Variants in CPLX4 observed in about 807,000 individuals in gnomAD.
CPLX4 encodes the protein complexin-4.
Under a neutral mutation model 16.1 loss-of-function variants are expected in CPLX4, and 17 were observed. The ratio of observed to expected loss-of-function variants is 1.06; its 90% CI spans 0.72 to 1.59. CPLX4 has a LOEUF of 1.59. Among genes scored for constraint, CPLX4 ranks in the 40% most tolerant of loss-of-function variants. CPLX4 has a pLI of 0.00. For synonymous variants in CPLX4, 55 were observed against 57.8 expected (o/e 0.95, Z 0.22); for missense variants, 193 against 192.9 (o/e 1.00, Z 0.00).
At chr18:59,299,875 G>C (rs2070528172) in intron 2 of CPLX4, among the ~76,000 whole-genome samples, 2 of 152,168 alleles carry the variant, frequency 1.3e-5, no homozygotes, top group South Asian at 4.1e-4. Flanking sequence ...TCAGGGCTCG[G>C]GCCTCGCAAT....
In CPLX4 at chr18:59,318,407, C is replaced by T. The variant is rs1168470589; in HGVS notation, c.56G>A (p.Gly19Asp). The T allele has an allele frequency of 1.2e-6, 2 of 1,613,676 alleles. No homozygotes were observed. The highest frequency in any genetic ancestry group is 2.7e-5 in the African/African-American group (2 of 74,888). The stretch of plus-strand genomic sequence containing the variant: ...TTCTTTATTTTCTTCAGACCCACCA[C>T]CAAATCCTAAATTCTTTACCTGGTT... ...ISNQVKNLGFGGGSEENKEEG... is the reference protein window; with the variant it reads ...ISNQVKNLGFDGGSEENKEEG... Residue 19 changes from glycine to aspartate, a missense_variant, in exon 1 of 3, where the codon GGT (glycine) becomes GAT (aspartate). Coordinates refer to ENST00000299721, the MANE Select transcript of CPLX4 (RefSeq NM_181654.4).
intron 2 of CPLX4, among the ~76,000 whole-genome samples, chr18:59,308,464 C>CTTT (rs56412366): frequency 6.3e-5 from 9 of 143,740 alleles, no homozygotes; most frequent in African/African-American, 2.1e-4. Context: ...AATAGTAAGG[C>CTTT]TTTTTTTTTT....
intron 2 of CPLX4, 40 bp from the exon 3 acceptor site, chr18:59,296,965 A>G: frequency 1.3e-6 from 2 of 1,581,298 alleles, no homozygotes; most frequent in Non-Finnish European, 1.7e-6. Context: ...ATAACTCTAA[A>G]CTACTAACTC....
At chr18:59,300,052 C>G (rs568689438) in intron 2 of CPLX4, among the ~76,000 whole-genome samples, 46 of 152,320 alleles carry the variant, frequency 3.0e-4, no homozygotes, top group African/African-American at 1.1e-3. Flanking sequence ...TACTGAATAG[C>G]CGGGCATGGT....
rs755811478 is a variant in CPLX4 at position 59,318,594 on chromosome 18, A to G, written c.-132T>C. On this transcript the variant is annotated 5_prime_UTR_variant, in exon 1 of 3. Transcript: ENST00000299721. Reference sequence around the variant, plus strand: ...ATTTAAGAGCAAAGGACTTTGCACAACCTCATCTATTCAAGGGCATACTGA... The same window carrying G: ...ATTTAAGAGCAAAGGACTTTGCACAGCCTCATCTATTCAAGGGCATACTGA... The G allele has an allele frequency of 4.1e-5, 59 of 1,422,620 alleles. No individual in the cohort carries two copies. Among genetic ancestry groups the G allele is most frequent in the Non-Finnish European group, 5.2e-5 (57 of 1,087,512 alleles). The allele number at this position is 1,422,620 out of a possible 1,614,324, so 88.1% of individuals were successfully genotyped here.
At chr18:59,309,822 C>CAA (rs369580193) in intron 2 of CPLX4, among the ~76,000 whole-genome samples, 11,405 of 86,656 alleles carry the variant, frequency 0.13, 718 homozygotes, top group East Asian at 0.23. Flanking sequence ...GACTCTGTGT[C>CAA]AAAAAAAAAA....
At chr18:59,313,061 C>T (rs2070628426) in intron 1 of CPLX4, among the ~76,000 whole-genome samples, 1 of 152,166 alleles carries the variant, frequency 6.6e-6, no homozygotes, top group Non-Finnish European at 1.5e-5. Flanking sequence ...TTTCCGTGGA[C>T]TGTTCAGCCA....
In CPLX4 at chr18:59,296,692, C is replaced by T. The variant is rs762431120; in HGVS notation, c.*6G>A. On this transcript the variant is annotated 3_prime_UTR_variant, in exon 3 of 3. Coordinates refer to ENST00000299721, the MANE Select transcript of CPLX4 (RefSeq NM_181654.4). ...GCTGGTTCCCTCCCTCCACCCCTCCCACCCCTCACATCACGGAACACTTCT... is the reference window on the plus strand; with the variant it reads ...GCTGGTTCCCTCCCTCCACCCCTCCTACCCCTCACATCACGGAACACTTCT... 2 of 1,609,510 alleles carry T rather than the reference C, an allele frequency of 1.2e-6. No homozygotes were observed. Among genetic ancestry groups the T allele is most frequent in the Admixed American group, 1.7e-5 (1 of 59,652 alleles).
intron 2 of CPLX4, among the ~76,000 whole-genome samples, chr18:59,297,833 C>T (rs1410683096): frequency 6.6e-6 from 1 of 152,184 alleles, no homozygotes; most frequent in Non-Finnish European, 1.5e-5. Context: ...TCTTTTCCTC[C>T]CTTCCACTAG....
At chr18:59,313,388 T>C (rs2070631143) in intron 1 of CPLX4, among the ~76,000 whole-genome samples, 1 of 152,208 alleles carries the variant, frequency 6.6e-6, no homozygotes, top group Non-Finnish European at 1.5e-5. Flanking sequence ...AGGCAGGGTA[T>C]GTTTCCAGAA....
intron 2 of CPLX4, among the ~76,000 whole-genome samples, chr18:59,307,724 A>G (rs2070586338): frequency 2.0e-5 from 3 of 149,672 alleles, no homozygotes; most frequent in African/African-American, 7.4e-5. Flanking sequence ...ACAAAACCCT[A>G]CACCTCGCAT....
At chr18:59,318,213 G>A (rs1322064883) in intron 1 of CPLX4, 83 bp downstream of exon 1, 10 of 1,463,726 alleles carry the variant, frequency 6.8e-6, no homozygotes, top group Non-Finnish European at 9.0e-6. Flanking sequence ...AAAGCAAAGA[G>A]AAATAAACTG....
chr18:59,310,046 G>A (rs2070606547), intron 2 of CPLX4, among the ~76,000 whole-genome samples: 1 of 152,034 alleles, frequency 6.6e-6, no homozygotes. Context: ...GCAGTGGTAT[G>A]AGATTATTAG....
intron 1 of CPLX4, among the ~76,000 whole-genome samples, chr18:59,315,144 A>T (rs1013371584): frequency 2.0e-5 from 3 of 152,218 alleles, no homozygotes; most frequent in African/African-American, 7.2e-5. Flanking sequence ...AACAATTGAA[A>T]CAAGAGTTCT....
intron 1 of CPLX4, 68 bp downstream of exon 1, chr18:59,318,228 A>G (rs1320560790): frequency 1.3e-6 from 2 of 1,486,608 alleles, no homozygotes; most frequent in Admixed American, 4.5e-5. Flanking sequence ...AAACTGGAGA[A>G]CTGAAGAAGG....
At chr18:59,318,158 C>G in intron 1 of CPLX4, 138 bp downstream of exon 1, 1 of 1,389,024 alleles carries the variant, frequency 7.2e-7, no homozygotes, top group Non-Finnish European at 9.4e-7. Flanking sequence ...GAAGAACAAC[C>G]TTTCCTTGGG....
At chr18:59,316,586 T>C (rs34529876) in intron 1 of CPLX4, among the ~76,000 whole-genome samples, 31,629 of 152,046 alleles carry the variant, frequency 0.21, 3,842 homozygotes, top group African/African-American at 0.34. Context: ...AGCCAAATGC[T>C]CCATTGTCCT....
rs533701969 is a variant in CPLX4 at position 59,297,518 on chromosome 18, G to A, written c.256-593C>T. ...TGGTCTCGAACTCCTGACCTCAGGCGATCCAACCACCCCGGCCTCCCAAAG... is the reference window on the plus strand; with the variant it reads ...TGGTCTCGAACTCCTGACCTCAGGCAATCCAACCACCCCGGCCTCCCAAAG... On this transcript the variant is annotated intron_variant, in intron 2 of 2. Transcript: ENST00000299721. 6.6e-5 allele frequency among the ~76,000 whole-genome samples: 10 copies of A among 152,148 alleles called. No individual in the cohort carries two copies. The South Asian group carries it at 1.5e-3, about 22-fold the overall frequency.
chr18:59,299,809 G>A (rs1025524439), intron 2 of CPLX4, among the ~76,000 whole-genome samples: 8 of 152,270 alleles, frequency 5.3e-5, no homozygotes, highest in African/African-American at 1.9e-4. Flanking sequence ...CATCTTTTGG[G>A]ACTTTGCTAG....
Sources: gnomAD v4.1 joint callset for allele counts (sites outside exome capture counted in the v4.1 genomes callset) on GRCh38, gnomAD v4.1.1 for gene constraint, MANE v1.5 for transcripts, NCBI Gene and HGNC (gene_info 2026-07-23, HGNC 2026-07-21) for gene names.